The following PCDHA8 variants were observed in gnomAD, a reference collection of about 807,000 sequenced individuals.
The protein encoded by PCDHA8 is protocadherin alpha 8, also known as protocadherin alpha-8.
In PCDHA8, 53 loss-of-function variants were observed where a neutral mutation model predicts 61.8. That is an observed-to-expected ratio of 0.86 (90% CI 0.69 to 1.08). PCDHA8 has a LOEUF of 1.08. Among genes scored for constraint, PCDHA8 ranks in the 50% least tolerant of loss-of-function variants. The pLI is 0.00. For missense variants in PCDHA8, 1,293 were observed against 1,245.0 expected (o/e 1.04, Z -0.58); for synonymous variants, 618 against 556.6 (o/e 1.11, Z -1.55).
intron 1 of PCDHA8, chr5:140,927,707 T>G (rs1224984801): frequency 6.2e-7 from 1 of 1,614,080 alleles, no homozygotes; most frequent in African/African-American, 1.3e-5. Flanking sequence ...CAGTACTCCC[T>G]AAGCAACAGC....
intron 1 of PCDHA8, among the ~76,000 whole-genome samples, chr5:140,886,239 T>C (rs2060904240): frequency 6.6e-6 from 1 of 152,062 alleles, no homozygotes; most frequent in African/African-American, 2.4e-5. Flanking sequence ...ACTTCAGAAA[T>C]AAATAAAAGT....
In PCDHA8 at chr5:141,011,088, T is replaced by TTCTC. The variant is rs375099849; in HGVS notation, c.*1165_*1168dup. 6.6e-6 allele frequency: 1 copy of TTCTC among 152,032 alleles called. No homozygotes were observed. Among genetic ancestry groups the TTCTC allele is most frequent in the Non-Finnish European group, 1.5e-5 (1 of 67,462 alleles). 9.4% of individuals were successfully genotyped at this position (152,032 alleles called of 1,614,324 possible). A position where few individuals can be genotyped will look rare whatever the true frequency, so the allele number is the denominator to read the frequency against. On this transcript the variant is annotated 3_prime_UTR_variant, in exon 4 of 4. Transcript: ENST00000531613. The stretch of plus-strand genomic sequence containing the variant: ...TATTACTAAATAAAATGATCTCTCT[T>TTCTC]TCTCTCTCTCTCTCTCTTTTCTAAG...
At chr5:140,948,979 G>T (rs2094330965) in intron 1 of PCDHA8, among the ~76,000 whole-genome samples, 1 of 151,514 alleles carries the variant, frequency 6.6e-6, no homozygotes, top group South Asian at 2.1e-4. Flanking sequence ...AGTATGAACT[G>T]CTTTATTTGC....
intron 1 of PCDHA8, chr5:140,869,960 C>G: frequency 6.2e-7 from 1 of 1,612,264 alleles, no homozygotes; most frequent in Non-Finnish European, 8.5e-7. Flanking sequence ...TCAATTAAGC[C>G]CAATGGAAGA....
intron 1 of PCDHA8, among the ~76,000 whole-genome samples, chr5:140,892,427 C>T (rs1429226685): frequency 6.6e-6 from 1 of 152,170 alleles, no homozygotes; most frequent in Admixed American, 6.5e-5. Flanking sequence ...GATAAAACCT[C>T]ATTATCTAAA....
In PCDHA8 at chr5:140,927,516, C is replaced by T. The variant is rs782661477; in HGVS notation, c.2395-51433C>T. 3.1e-6 allele frequency: 5 copies of T among 1,613,948 alleles called. No homozygotes were observed. The South Asian group carries it at 4.4e-5, about 14-fold the overall frequency. Reference sequence around the variant, plus strand: ...TGCTGGTGCTTACAGCTCGGGACGGCGGGCTACCTGCCCGCTCAGGAGACG... The same window carrying T: ...TGCTGGTGCTTACAGCTCGGGACGGTGGGCTACCTGCCCGCTCAGGAGACG... On this transcript the variant is annotated intron_variant, in intron 1 of 3. Transcript: ENST00000531613.
intron 1 of PCDHA8, among the ~76,000 whole-genome samples, chr5:140,895,893 C>A (rs899081253): frequency 6.6e-6 from 1 of 152,188 alleles, no homozygotes; most frequent in African/African-American, 2.4e-5. Context: ...CTCACTGCAA[C>A]CTCCGCGTCC....
intron 1 of PCDHA8, chr5:140,860,456 A>T (rs2046407427): frequency 6.6e-6 from 1 of 152,196 alleles, no homozygotes; most frequent in Non-Finnish European, 1.5e-5. Context: ...AATTCACGTG[A>T]TAATACAGTT....
chr5:140,876,334 A>T (rs782377581), intron 1 of PCDHA8: 3 of 1,614,030 alleles, frequency 1.9e-6, no homozygotes, highest in Admixed American at 1.7e-5. Context: ...TTTGCCAGTG[A>T]GTGAGAAATG....
chr5:140,868,490 A>C (rs1383994336), intron 1 of PCDHA8: 1 of 152,330 alleles, frequency 6.6e-6, no homozygotes, highest in African/African-American at 2.4e-5. Flanking sequence ...TTTTTCTTTG[A>C]GTTCCCTAGC....
chr5:141,005,737 G>A (rs568489145), intron 3 of PCDHA8, among the ~76,000 whole-genome samples: 173 of 143,620 alleles, frequency 1.2e-3, no homozygotes, highest in African/African-American at 4.5e-3. Flanking sequence ...AAAAAGAATG[G>A]ATGAGAAATC....
At chr5:140,850,285 T>G in intron 1 of PCDHA8, 1 of 1,595,606 alleles carries the variant, frequency 6.3e-7, no homozygotes, top group Non-Finnish European at 8.6e-7. Context: ...GTGCGCGCAG[T>G]GGACGCCGAC....
chr5:141,002,656 C>T lies in PCDHA8; in HGVS notation c.2543-6971C>T, dbSNP rs115710244. Among the ~76,000 whole-genome samples the T allele has an allele frequency of 3.7e-3, 571 of 152,302 alleles. 5 individuals are homozygous for T. The highest frequency in any genetic ancestry group is 0.013 in the African/African-American group (539 of 41,574). On this transcript the variant is annotated intron_variant, in intron 3 of 3. Coordinates refer to ENST00000531613, the MANE Select transcript of PCDHA8 (RefSeq NM_018911.3). The stretch of plus-strand genomic sequence containing the variant: ...CTAGAAATGTCTACTTCATAGGGCT[C>T]TTGTCAGGACCAAAACCTATACGAC...
chr5:140,864,688 C>G (rs1324668554), intron 1 of PCDHA8: 2 of 152,164 alleles, frequency 1.3e-5, no homozygotes, highest in Admixed American at 1.3e-4. Context: ...CTGCTGTCCT[C>G]CAGTTTAAGT....
intron 1 of PCDHA8, among the ~76,000 whole-genome samples, chr5:140,944,361 A>G (rs1463339181): frequency 6.6e-6 from 1 of 151,888 alleles, no homozygotes; most frequent in Non-Finnish European, 1.5e-5. Flanking sequence ...CTAATTTTTA[A>G]TTTTTTATAG....
rs782000026 is a variant in PCDHA8, at chr5:140,858,227, G to A, written c.2394+14512G>A. 14 of 1,596,370 alleles carry A rather than the reference G, an allele frequency of 8.8e-6. 2 individuals carry two copies. The African/African-American group carries it at 1.9e-4, about 21-fold the overall frequency. On this transcript the variant is annotated intron_variant, in intron 1 of 3. Coordinates refer to ENST00000531613, the MANE Select transcript of PCDHA8 (RefSeq NM_018911.3). Reference sequence around the variant, plus strand: ...ACTGAGGTGCTCGGCGGCGCCCACCGAGGGCGCATGTGGGCCGGTGAAGCC... The same window carrying A: ...ACTGAGGTGCTCGGCGGCGCCCACCAAGGGCGCATGTGGGCCGGTGAAGCC...
At chr5:140,928,808 G>A (rs782344407) in intron 1 of PCDHA8, 3 of 1,614,062 alleles carry the variant, frequency 1.9e-6, no homozygotes, top group Non-Finnish European at 2.5e-6. Flanking sequence ...GTAGTGGTTC[G>A]GGACCATGGA....
intron 1 of PCDHA8, among the ~76,000 whole-genome samples, chr5:140,959,419 A>G (rs1554224077): frequency 2.0e-5 from 3 of 152,150 alleles, no homozygotes; most frequent in Non-Finnish European, 4.4e-5. Context: ...TTGATCTGAG[A>G]ATTTGTGTAT....
chr5:140,863,186 TG>T, intron 1 of PCDHA8: 1 of 771,164 alleles, frequency 1.3e-6, no homozygotes, highest in Non-Finnish European at 2.2e-6. Flanking sequence ...ACCGTCACCG[TG>T]GTGGCGTCGC....
Sources: gnomAD v4.1 joint callset for allele counts (sites outside exome capture counted in the v4.1 genomes callset) on GRCh38, gnomAD v4.1.1 for gene constraint, MANE v1.5 for transcripts, NCBI Gene and HGNC (gene_info 2026-07-23, HGNC 2026-07-21) for gene names.